The following DIAPH3 variants were observed in gnomAD, a reference collection of about 807,000 sequenced individuals.
DIAPH3 encodes the protein protein diaphanous homolog 3.
Under a neutral mutation model 144.3 loss-of-function variants are expected in DIAPH3, and 117 were observed. The ratio of observed to expected loss-of-function variants is 0.81; its 90% CI spans 0.70 to 0.95. DIAPH3 has a LOEUF of 0.95. Among genes scored for constraint, DIAPH3 ranks in the 40% least tolerant of loss-of-function variants. The pLI, the probability that DIAPH3 is intolerant of heterozygous loss-of-function variation, is 0.00. For synonymous variants in DIAPH3, 519 were observed against 488.9 expected (o/e 1.06, Z -0.81); for missense variants, 1,421 against 1,412.7 (o/e 1.01, Z -0.09).
chr13:60,125,754 T>C (rs976872287), intron 2 of DIAPH3, among the ~76,000 whole-genome samples: 2 of 152,094 alleles, frequency 1.3e-5, no homozygotes, highest in African/African-American at 4.8e-5. Flanking sequence ...CATTATCAGA[T>C]AGGCAATGTA....
intron 14 of DIAPH3, among the ~76,000 whole-genome samples, chr13:59,976,234 G>A (rs887253848): frequency 1.3e-5 from 2 of 151,862 alleles, no homozygotes; most frequent in African/African-American, 2.4e-5. Flanking sequence ...TTCTAAAAAC[G>A]CTGACTTACC....
At chr13:59,894,764 A>G (rs1257218041) in intron 20 of DIAPH3, among the ~76,000 whole-genome samples, 1 of 152,108 alleles carries the variant, frequency 6.6e-6, no homozygotes, top group East Asian at 1.9e-4. Flanking sequence ...TTATAACAAT[A>G]TTAAGCTGCT....
intron 24 of DIAPH3, among the ~76,000 whole-genome samples, chr13:59,811,509 T>C (rs1027480558): frequency 6.6e-6 from 1 of 151,582 alleles, no homozygotes; most frequent in Non-Finnish European, 1.5e-5. Context: ...GAGGCCGAGG[T>C]GGGCGGATCA....
intron 5 of DIAPH3, among the ~76,000 whole-genome samples, chr13:60,031,830 G>A (rs1029566122): frequency 7.9e-5 from 10 of 127,174 alleles, no homozygotes; most frequent in East Asian, 4.8e-4. Flanking sequence ...TGCAACCTCC[G>A]TCTCCCAGGT....
chr13:59,833,884 T>C (rs1268985879), intron 23 of DIAPH3, among the ~76,000 whole-genome samples: 1 of 149,844 alleles, frequency 6.7e-6, no homozygotes, highest in Non-Finnish European at 1.5e-5. Context: ...CTTGTTATCA[T>C]CATCCCTCAC....
chr13:60,029,390 TC>T, intron 5 of DIAPH3, among the ~76,000 whole-genome samples: 1 of 152,134 alleles, frequency 6.6e-6, no homozygotes, highest in Middle Eastern at 3.4e-3. Context: ...CAATCAATTC[TC>T]CCTAATATGA....
chr13:60,059,137 A>T (rs2056670930), intron 4 of DIAPH3, among the ~76,000 whole-genome samples: 1 of 151,904 alleles, frequency 6.6e-6, no homozygotes, highest in Non-Finnish European at 1.5e-5. Context: ...ATGGTTAAAA[A>T]ACTAAAAAAT....
chr13:59,971,455 G>C (rs2050371822), intron 15 of DIAPH3, among the ~76,000 whole-genome samples: 1 of 152,128 alleles, frequency 6.6e-6, no homozygotes, highest in Admixed American at 6.5e-5. Flanking sequence ...TGTGGATCTA[G>C]AAGATTTGAA....
intron 17 of DIAPH3, among the ~76,000 whole-genome samples, chr13:59,961,146 T>C (rs939535781): frequency 6.6e-6 from 1 of 152,196 alleles, no homozygotes; most frequent in Non-Finnish European, 1.5e-5. Context: ...CATAGGCCAT[T>C]TAACTTGTTA....
At chr13:60,032,669 G>A (rs1162511422) in intron 5 of DIAPH3, among the ~76,000 whole-genome samples, 1 of 152,198 alleles carries the variant, frequency 6.6e-6, no homozygotes, top group Admixed American at 6.5e-5. Context: ...TCTTCCCCAG[G>A]AGGCCTCTGG....
intron 2 of DIAPH3, among the ~76,000 whole-genome samples, chr13:60,124,697 T>C (rs961947605): frequency 6.6e-6 from 1 of 151,790 alleles, no homozygotes; most frequent in Admixed American, 6.6e-5. Context: ...TACAAAAAAA[T>C]ACAAAAATTA....
At chr13:59,739,821 T>C (rs993063462) in intron 27 of DIAPH3, among the ~76,000 whole-genome samples, 1 of 152,084 alleles carries the variant, frequency 6.6e-6, no homozygotes, top group Non-Finnish European at 1.5e-5. Context: ...GTCAACCCTC[T>C]GAATCCACAA....
At chr13:59,938,519 G>T (rs1389079475) in intron 17 of DIAPH3, among the ~76,000 whole-genome samples, 1 of 152,030 alleles carries the variant, frequency 6.6e-6, no homozygotes, top group African/African-American at 2.4e-5. Flanking sequence ...TGAAGTGGGA[G>T]GATCACTTGT....
At chr13:60,071,364 T>C (rs906894672) in intron 4 of DIAPH3, among the ~76,000 whole-genome samples, 1 of 152,214 alleles carries the variant, frequency 6.6e-6, no homozygotes, top group African/African-American at 2.4e-5. Context: ...GAGTTGACCG[T>C]GGCTTCTAAG....
Position 59,865,400 on chromosome 13 carries a change from G to A in DIAPH3, c.2608-3864C>T, listed in dbSNP as rs143327508. ...TAACAACTTATGTAAACTTTGTAACGCTAAATCTTGGAAAGAAAATAAAAT... is the reference window on the plus strand; with the variant it reads ...TAACAACTTATGTAAACTTTGTAACACTAAATCTTGGAAAGAAAATAAAAT... On this transcript the variant is annotated intron_variant, in intron 21 of 27. Coordinates refer to ENST00000400324, the MANE Select transcript of DIAPH3 (RefSeq NM_001042517.2). Among the ~76,000 whole-genome samples the A allele has an allele frequency of 2.3e-3, 351 of 152,012 alleles. 1 individual carries two copies. Among genetic ancestry groups the A allele is most frequent in the African/African-American group, 8.1e-3 (336 of 41,496 alleles).
intron 1 of DIAPH3, among the ~76,000 whole-genome samples, chr13:60,136,661 C>A (rs1016735263): frequency 1.3e-5 from 2 of 152,074 alleles, no homozygotes; most frequent in Non-Finnish European, 2.9e-5. Context: ...TTCTGCCGGG[C>A]GCGGCGGCTC....
chr13:59,834,648 T>C lies in DIAPH3; in HGVS notation c.2863-1377A>G, dbSNP rs1055517815. Among the ~76,000 whole-genome samples, 41 of 151,718 alleles carry C rather than the reference T, an allele frequency of 2.7e-4. 1 individual carries two copies. The highest frequency in any genetic ancestry group is 4.4e-5 in the Non-Finnish European group (3 of 67,734). ...CATATGAAAGAATTCTAATTCTTCA[T>C]CATCATCTTCATCTAAAAGAAAATG... On this transcript the variant is annotated intron_variant, in intron 23 of 27. Coordinates refer to ENST00000400324, the MANE Select transcript of DIAPH3 (RefSeq NM_001042517.2).
chr13:59,962,681 G>T (rs1332488366), intron 17 of DIAPH3, among the ~76,000 whole-genome samples: 1 of 151,844 alleles, frequency 6.6e-6, no homozygotes, highest in African/African-American at 2.4e-5. Flanking sequence ...ATGGTCTAAG[G>T]TTTTTCCCGC....
chr13:59,876,076 T>C (rs895503721), intron 21 of DIAPH3, among the ~76,000 whole-genome samples: 3 of 152,210 alleles, frequency 2.0e-5, no homozygotes, highest in Admixed American at 2.0e-4. Flanking sequence ...AAATGTCATA[T>C]AATTACCCAG....
Sources: gnomAD v4.1 joint callset for allele counts (sites outside exome capture counted in the v4.1 genomes callset) on GRCh38, gnomAD v4.1.1 for gene constraint, MANE v1.5 for transcripts, NCBI Gene and HGNC (gene_info 2026-07-23, HGNC 2026-07-21) for gene names.